Variants in FUS observed in about 807,000 individuals in gnomAD.
FUS encodes FUS RNA binding protein.
FUS carries 5 observed loss-of-function variants against 82.7 expected under a neutral mutation model. That is an observed-to-expected ratio of 0.06 (90% confidence interval 0.03 to 0.13). The LOEUF (loss-of-function observed/expected upper bound fraction) is 0.13, where lower values mean the gene tolerates loss of function less well. FUS is among the 10% of genes least tolerant of loss of function. The pLI is 1.00. For missense variants in FUS, 512 were observed against 707.8 expected, an observed-to-expected ratio of 0.72 and a Z score of 3.14; for synonymous variants, 281 against 247.4, an observed-to-expected ratio of 1.14 and a Z score of -1.27.
At chr16:31,189,504 C>G (rs935904938) in intron 9 of FUS, among the ~76,000 whole-genome samples, 161 bp from the exon 10 acceptor site, 1 of 152,108 alleles carries the variant, frequency 6.6e-6, no homozygotes, top group Non-Finnish European at 1.5e-5. Context: ...GAGTGAGAGA[C>G]AGTTTTCTTT....
chr16:31,194,484 G>T, downstream of FUS: 1 of 500,496 alleles, frequency 2.0e-6, no homozygotes, highest in Non-Finnish European at 3.9e-6. Context: ...TTTTTGTGGA[G>T]ATGGGGTCTT....
chr16:31,192,498 A>C (rs2079375081), downstream of FUS: 1 of 515,570 alleles, frequency 1.9e-6, no homozygotes, highest in African/African-American at 1.9e-5. Context: ...GACAGCTGCC[A>C]TCACAAGCAT....
chr16:31,188,953 T>A lies in FUS; in HGVS notation c.833-170T>A, dbSNP rs72550860. 1,076 of 642,384 alleles carry A rather than the reference T, an allele frequency of 1.7e-3. 18 individuals are homozygous for A. The Admixed American group carries it at 0.025, about 15-fold the overall frequency. The allele number at this position is 642,384 out of a possible 1,614,324, so 39.8% of individuals were successfully genotyped here. On this transcript the variant is annotated intron_variant, in intron 8 of 14. Transcript: ENST00000254108. ...TAATTGTCAAACTGAATCTGAAATT[T>A]ATCAGCATGGCTGGCATATAGGGAC...
At chr16:31,191,363 A>G (rs1174687592) in intron 14 of FUS, 36 bp from the exon 15 acceptor site, 1 of 1,611,092 alleles carries the variant, frequency 6.2e-7, no homozygotes, top group Non-Finnish European at 8.5e-7. Flanking sequence ...TAACTCAAAT[A>G]TAATGGATAC....
At chr16:31,183,447 G>A in intron 3 of FUS, 1 of 203,590 alleles carries the variant, frequency 4.9e-6, no homozygotes, top group Admixed American at 5.2e-5. Context: ...TGGAGAAAAT[G>A]GTTTTGTTTG....
At chr16:31,191,633 T>A (rs551479845), downstream of FUS, 5 of 718,170 alleles carry the variant, frequency 7.0e-6, no homozygotes, top group South Asian at 7.5e-5. Flanking sequence ...CTTTTCACTT[T>A]CCTGGAAGAT....
At chr16:31,181,157 C>G (rs1286000605) in intron 1 of FUS, among the ~76,000 whole-genome samples, 1 of 152,078 alleles carries the variant, frequency 6.6e-6, no homozygotes, top group African/African-American at 2.4e-5. Flanking sequence ...TCAGGTGATC[C>G]GCCCGCCTGG....
downstream of FUS, chr16:31,191,864 A>G (rs1294182151): frequency 5.5e-6 from 3 of 546,350 alleles, no homozygotes; most frequent in Non-Finnish European, 1.1e-5. Flanking sequence ...TTTTTCCTTT[A>G]CCACATTTAT....
intron 3 of FUS, 188 bp downstream of exon 3, chr16:31,182,852 G>A (rs1333767972): frequency 1.5e-6 from 1 of 669,822 alleles, no homozygotes; most frequent in Admixed American, 2.4e-5. Flanking sequence ...GAGTAGCTGG[G>A]ATTACAGGTA....
Position 31,187,356 on chromosome 16 carries a change from C to T in FUS, c.799+520C>T, listed in dbSNP as rs542614776. 25 of 243,600 alleles carry T rather than the reference C, an allele frequency of 1.0e-4. No individual in the cohort carries two copies. The South Asian group carries it at 3.2e-3, about 32-fold the overall frequency. The allele number at this position is 243,600 out of a possible 1,614,324, so 15.1% of individuals were successfully genotyped here. A position where few individuals can be genotyped will look rare whatever the true frequency, so the allele number is the denominator to read the frequency against. ...ATGAATGCAATTCTATGTATATGGA[C>T]TTAACTGAGATGGGCAAATAGAAAC... On this transcript the variant is annotated intron_variant, in intron 7 of 14. Coordinates refer to ENST00000254108, the MANE Select transcript of FUS (RefSeq NM_004960.4).
chr16:31,181,071 G>C (rs1336336297), intron 1 of FUS, among the ~76,000 whole-genome samples: 1 of 152,144 alleles, frequency 6.6e-6, no homozygotes, highest in Non-Finnish European at 1.5e-5. Flanking sequence ...CGCCACCACA[G>C]CCCGGCTAAT....
At chr16:31,183,290 A>C (rs559017722) in intron 3 of FUS, 97 of 169,620 alleles carry the variant, frequency 5.7e-4, no homozygotes, top group African/African-American at 1.8e-3. Flanking sequence ...AAAAAAAAAA[A>C]CAAAAAACAA....
At position 31,191,546 on chromosome 16, in the gene FUS, C is replaced by A. The variant is rs780606789; in HGVS notation, c.*108C>A. The A allele has an allele frequency of 8.2e-7, 1 of 1,221,604 alleles. No homozygotes were observed. Among genetic ancestry groups the A allele is most frequent in the South Asian group, 1.2e-5 (1 of 81,480 alleles). 75.7% of individuals were successfully genotyped at this position (1,221,604 alleles called of 1,614,324 possible). On this transcript the variant is annotated 3_prime_UTR_variant, in exon 15 of 15. Coordinates refer to ENST00000254108, the MANE Select transcript of FUS (RefSeq NM_004960.4). ...TGATCACCCAAGGGTTTTTTTGTGT[C>A]GGACTATGTAATTGTAACTATACCT...
Position 31,191,519 on chromosome 16 carries a change from C to T in FUS, c.*81C>T, listed in dbSNP as rs768544815. ...CTCGTTATTTTGTAACCTTCCAATT[C>T]CTGATCACCCAAGGGTTTTTTTGTG... is the stretch of plus-strand genomic sequence containing the variant. On this transcript the variant is annotated 3_prime_UTR_variant, in exon 15 of 15. Transcript: ENST00000254108. The T allele has an allele frequency of 6.8e-7, 1 of 1,464,216 alleles. No homozygotes were observed. The highest frequency in any genetic ancestry group is 9.6e-7 in the Non-Finnish European group (1 of 1,045,654). The allele number at this position is 1,464,216 out of a possible 1,614,324, so 90.7% of individuals were successfully genotyped here.
rs2079251190 is a variant in FUS, at chr16:31,185,281, T to C, written c.764+102T>C. Reference sequence around the variant, plus strand: ...CTAGTGCATGGTTTAGTATTCTTGTTGTCTAGGGATCTGTGAGGGCTTTGA... The same window carrying C: ...CTAGTGCATGGTTTAGTATTCTTGTCGTCTAGGGATCTGTGAGGGCTTTGA... On this transcript the variant is annotated intron_variant, in intron 6 of 14. Coordinates refer to ENST00000254108, the MANE Select transcript of FUS (RefSeq NM_004960.4). 3 of 1,351,160 alleles carry C rather than the reference T, an allele frequency of 2.2e-6. No individual in the cohort carries two copies. The Admixed American group carries it at 8.1e-5, about 37-fold the overall frequency. The allele number at this position is 1,351,160 out of a possible 1,614,324, so 83.7% of individuals were successfully genotyped here. A position where few individuals can be genotyped will look rare whatever the true frequency, so the allele number is the denominator to read the frequency against.
chr16:31,184,065 A>C (rs2079222060), intron 4 of FUS, 63 bp downstream of exon 4: 2 of 1,612,822 alleles, frequency 1.2e-6, no homozygotes, highest in African/African-American at 1.3e-5. Flanking sequence ...GGAATGATAA[A>C]GGGACCAGCA....
rs772523409 is a variant in FUS at position 31,180,233 on chromosome 16, T to TAA, written c.13+7_13+8dup. 3.1e-6 allele frequency: 5 copies of TAA among 1,610,282 alleles called. No individual in the cohort carries two copies. The South Asian group carries it at 5.5e-5, about 18-fold the overall frequency. ...CGCGGACATGGCCTCAAACGGTAGG[T>TAA]AAGGGCGCGAGGCGACGGCGGCGGC... On this transcript the variant is annotated splice_region_variant and intron_variant, in intron 1 of 14. Transcript: ENST00000254108.
chr16:31,187,976 C>T, intron 7 of FUS: 1 of 363,134 alleles, frequency 2.8e-6, no homozygotes, highest in Non-Finnish European at 5.1e-6. Context: ...GGTGAGAGAA[C>T]CGGGCCAAGC....
intron 8 of FUS, 163 bp from the exon 9 acceptor site, chr16:31,188,960 A>C (rs2079312474): frequency 1.5e-6 from 1 of 655,724 alleles, no homozygotes; most frequent in South Asian, 1.7e-5. Flanking sequence ...ATTTATCAGC[A>C]TGGCTGGCAT....
Sources: gnomAD v4.1 joint callset for allele counts (sites outside exome capture counted in the v4.1 genomes callset) on GRCh38, gnomAD v4.1.1 for gene constraint, MANE v1.5 for transcripts, NCBI Gene and HGNC (gene_info 2026-07-23, HGNC 2026-07-21) for gene names.